The following AATK variants were observed in gnomAD, a reference collection of about 807,000 sequenced individuals.
The protein encoded by AATK is serine/threonine-protein kinase LMTK1.
AATK carries 91 observed loss-of-function variants against 114.3 expected under a neutral mutation model. The ratio of observed to expected loss-of-function variants is 0.80; its 90% CI spans 0.67 to 0.95. AATK has a LOEUF of 0.95. Ranked by LOEUF, AATK falls within the 40% of genes least tolerant of loss-of-function variation. AATK has a pLI of 0.00. For missense variants in AATK, 2,176 were observed against 1,965.2 expected (o/e 1.11, Z -2.03); for synonymous variants, 1,075 against 916.5 (o/e 1.17, Z -3.12).
At position 81,126,401 on chromosome 17, in the gene AATK, GGCCGCT is replaced by G; in HGVS notation, c.755+20_755+25del. The G allele has an allele frequency of 6.5e-7, 1 of 1,544,338 alleles. No homozygotes were observed. The highest frequency in any genetic ancestry group is 1.2e-5 in the South Asian group (1 of 83,914). On this transcript the variant is annotated intron_variant, in intron 7 of 13. Transcript: ENST00000326724. This position sits in a 1 kb window ranked among gnomAD's most constrained non-coding sequence, Gnocchi z 5.1. ...GGAGGGGCCTGGCCTAGGGCTTCCC[GGCCGCT>G]GGCCCGCGCCCGCCCTCACCTGTGC...
chr17:81,143,785 G>A, intron 1 of AATK, among the ~76,000 whole-genome samples: 1 of 152,244 alleles, frequency 6.6e-6, no homozygotes, highest in East Asian at 1.9e-4. Flanking sequence ...CACCCACACT[G>A]CCTCTTCTGG....
chr17:81,124,905 G>GGCCCCCCCC, intron 8 of AATK, 25 bp downstream of exon 8: 2 of 1,503,160 alleles, frequency 1.3e-6, no homozygotes, highest in Non-Finnish European at 1.8e-6. Flanking sequence ...CTCATGCCCA[G>GGCCCCCCCC]CCCAGCCCAC....
At chr17:81,140,188 G>A (rs532283058) in intron 1 of AATK, among the ~76,000 whole-genome samples, 35 of 152,268 alleles carry the variant, frequency 2.3e-4, no homozygotes, top group African/African-American at 7.9e-4. Context: ...GGCCTGGCTG[G>A]TGACTGTTTC....
At chr17:81,141,802 TG>T (rs922427696) in intron 1 of AATK, among the ~76,000 whole-genome samples, 40 of 152,344 alleles carry the variant, frequency 2.6e-4, no homozygotes, top group Middle Eastern at 6.8e-3. Flanking sequence ...CTGGACGCGC[TG>T]GGGGCAGGTC....
rs2060816688 is a variant in AATK, at chr17:81,126,080, T to C, written c.755+347A>G. On this transcript the variant is annotated intron_variant, in intron 7 of 13. Transcript: ENST00000326724. The surrounding 1 kb of genome is among the most constrained non-coding windows in gnomAD (Gnocchi z 5.1). The stretch of plus-strand genomic sequence containing the variant: ...GGACAGAACCCTCCCTCCAGGGTCC[T>C]TCGAAGCAGGGTCTGTCTCCCTCAA... 4.2e-6 allele frequency: 2 copies of C among 479,258 alleles called. No individual in the cohort carries two copies. The highest frequency in any genetic ancestry group is 1.6e-5 in the South Asian group (1 of 61,794). 29.7% of individuals were successfully genotyped at this position (479,258 alleles called of 1,614,324 possible). A position where few individuals can be genotyped will look rare whatever the true frequency, so the allele number is the denominator to read the frequency against.
chr17:81,138,934 G>A (rs918609744), intron 1 of AATK, among the ~76,000 whole-genome samples: 2 of 147,720 alleles, frequency 1.4e-5, no homozygotes, highest in Admixed American at 6.7e-5. Flanking sequence ...ACACGTGTAG[G>A]CACACACACA....
chr17:81,139,844 T>G (rs2146354604), intron 1 of AATK, among the ~76,000 whole-genome samples: 1 of 152,308 alleles, frequency 6.6e-6, no homozygotes, highest in African/African-American at 2.4e-5. Context: ...GACACCAGCA[T>G]GCACACACGT....
At chr17:81,165,599 C>A (rs973002738) in intron 1 of AATK, 17 of 1,386,268 alleles carry the variant, frequency 1.2e-5, no homozygotes, top group Admixed American at 2.1e-5. Flanking sequence ...GGCTGACACC[C>A]CCCACACCCC....
Position 81,121,778 on chromosome 17 carries a change from C to A in AATK, c.2158G>T (p.Glu720Ter). 6.5e-7 allele frequency: 1 copy of A among 1,545,456 alleles called. No homozygotes were observed. Among genetic ancestry groups the A allele is most frequent in the South Asian group, 1.2e-5 (1 of 85,482 alleles). The change falls in exon 11 of 14, where the codon GAG becomes TAG. Residue 720 changes from glutamate (E) to a stop codon, truncating the protein, a stop_gained. Transcript: ENST00000326724. LOFTEE classifies it high-confidence loss of function. ...AGAGGCTCTCCAGGGTACCCCGGCT[C>A]GGGGGAGGCCCGTGGGGTCTGCTTT... is the stretch of plus-strand genomic sequence containing the variant. Reference protein sequence around the residue: ...SPKQTPRASPEPGYPGEPLLG... With the variant: ...SPKQTPRASP
At chr17:81,138,870 C>T (rs971074836) in intron 1 of AATK, among the ~76,000 whole-genome samples, 1 of 151,946 alleles carries the variant, frequency 6.6e-6, no homozygotes, top group African/African-American at 2.4e-5. Flanking sequence ...CACACATGTG[C>T]ACACATACCC....
Position 81,138,559 on chromosome 17 carries a change from C to T in AATK, c.56-4058G>A, listed in dbSNP as rs568782457. Among the ~76,000 whole-genome samples the T allele has an allele frequency of 4.7e-5, 7 of 148,726 alleles. No individual in the cohort carries two copies. In the East Asian group the frequency reaches 1.4e-3, roughly 29 times the overall value. ...ACACGTTCGCGTGCACACACGTGCA[C>T]ACATACCCCCACACGCACATACCCA... On this transcript the variant is annotated intron_variant, in intron 1 of 13. Transcript: ENST00000326724.
chr17:81,128,594 C>A (rs145168854), intron 3 of AATK, 45 bp from the exon 4 acceptor site: 2 of 1,544,292 alleles, frequency 1.3e-6, no homozygotes, highest in Admixed American at 3.9e-5. Context: ...GGCCTCCGCA[C>A]CCCCCAGCTT....
Position 81,165,993 on chromosome 17 carries a change from G to A in AATK, c.-1C>T, listed in dbSNP as rs749272955. 3 of 1,572,358 alleles carry A rather than the reference G, an allele frequency of 1.9e-6. No homozygotes were observed. The highest frequency in any genetic ancestry group is 3.7e-5 in the Admixed American group (2 of 54,730). On this transcript the variant is annotated 5_prime_UTR_variant, in exon 1 of 14. Coordinates refer to ENST00000326724, the MANE Select transcript of AATK (RefSeq NM_001080395.3). ...TGGGGTTGAAGAAGGACGACGACAT[G>A]GCCGGGCCAGCGGCCGGCGGGCATC... is the stretch of plus-strand genomic sequence containing the variant.
chr17:81,120,608 A>T lies in AATK; in HGVS notation c.3328T>A (p.Ser1110Thr). 6.4e-7 allele frequency: 1 copy of T among 1,551,676 alleles called. No individual in the cohort carries two copies. The highest frequency in any genetic ancestry group is 1.7e-4 in the Middle Eastern group (1 of 5,860). ...FFLLTPVPLR[S>T]EGNSSEFQGP... ...TGGAACTCAGAGCTGTTGCCTTCTG[A>T]TCTCAGCGGAACCGGGGTCAGCAGG... Residue 1110 changes from serine to threonine, a missense_variant, in exon 11 of 14, where the codon TCA becomes ACA. By Grantham distance (58) the Ser-to-Thr change is moderately conservative. Coordinates refer to ENST00000326724, the MANE Select transcript of AATK (RefSeq NM_001080395.3).
Position 81,143,341 on chromosome 17 carries a change from C to T in AATK, c.56-8840G>A, listed in dbSNP as rs544604170. On this transcript the variant is annotated intron_variant, in intron 1 of 13. Coordinates refer to ENST00000326724, the MANE Select transcript of AATK (RefSeq NM_001080395.3). ...GCTTCTACAGGGCTGTCCCTAGGAC[C>T]GGGTGCTCACTGCAGCACAGGGTGG... Among the ~76,000 whole-genome samples, 89 of 152,320 alleles carry T rather than the reference C, an allele frequency of 5.8e-4. 1 individual carries two copies. Among genetic ancestry groups the T allele is most frequent in the Non-Finnish European group, 7.6e-4 (52 of 68,008 alleles).
At chr17:81,148,822 G>C (rs562064035) in intron 1 of AATK, among the ~76,000 whole-genome samples, 2 of 152,070 alleles carry the variant, frequency 1.3e-5, no homozygotes, top group African/African-American at 4.8e-5. Context: ...GCACACTCAC[G>C]CACACACCCT....
chr17:81,157,048 C>A (rs540418787), intron 1 of AATK, among the ~76,000 whole-genome samples: 3 of 152,264 alleles, frequency 2.0e-5, no homozygotes, highest in Admixed American at 1.3e-4. Context: ...AGCCCTGAAC[C>A]ATCCCCACAG....
intron 1 of AATK, among the ~76,000 whole-genome samples, chr17:81,141,955 TCCTTCCTTCCTTCCTTC>T (rs2061146313): frequency 1.2e-5 from 1 of 81,550 alleles, no homozygotes; most frequent in Non-Finnish European, 2.7e-5. Flanking sequence ...TTCCTTCCTT[TCCTTCCTTCCTTCCTTC>T]CTTGATAGAG....
chr17:81,131,813 A>C, intron 2 of AATK: 1 of 1,280,656 alleles, frequency 7.8e-7, no homozygotes, highest in Non-Finnish European at 1.0e-6. Context: ...AGAAGCAATT[A>C]AGTGCCCCCA....
Sources: gnomAD v4.1 joint callset for allele counts (sites outside exome capture counted in the v4.1 genomes callset) on GRCh38, gnomAD v4.1.1 for gene constraint, Gnocchi (gnomAD v3.1) non-coding constraint, MANE v1.5 for transcripts, NCBI Gene and HGNC (gene_info 2026-07-23, HGNC 2026-07-21) for gene names.